USP28: variants seen among roughly 807,000 people sequenced by gnomAD.
USP28 encodes ubiquitin carboxyl-terminal hydrolase 28.
In USP28, 113 loss-of-function variants were observed where a neutral mutation model predicts 145.0. The observed-to-expected ratio is 0.78, with a 90% CI of 0.67 to 0.91. The LOEUF is 0.91. USP28 is among the 40% of genes least tolerant of loss of function. The probability of loss-of-function intolerance (pLI) is 0.00; values close to 1 mark genes in which losing one functional copy is unlikely to be tolerated. For synonymous variants in USP28, 447 were observed against 450.9 expected (o/e 0.99, Z 0.11); for missense variants, 1,201 against 1,289.6 (o/e 0.93, Z 1.05).
At chr11:113,839,953 T>C (rs1341939922) in intron 5 of USP28, among the ~76,000 whole-genome samples, 1 of 152,042 alleles carries the variant, frequency 6.6e-6, no homozygotes, top group African/African-American at 2.4e-5. Flanking sequence ...GAGGCGGAGG[T>C]TGCAGTGAGC....
chr11:113,804,559 A>G lies in USP28; in HGVS notation c.2658+114T>C, dbSNP rs1591478136. The G allele has an allele frequency of 3.5e-6, 3 of 865,780 alleles. No homozygotes were observed. In the Admixed American group the frequency reaches 8.0e-5, roughly 23 times the overall value. 53.6% of individuals were successfully genotyped at this position (865,780 alleles called of 1,614,324 possible). ...CATTCTTTACCAGGATTTTGAGGGG[A>G]AAGTGGAAGAACAAGTCAGTTTGTA... On this transcript the variant is annotated intron_variant, in intron 21 of 24. Coordinates refer to ENST00000003302, the Ensembl canonical transcript of USP28.
intron 1 of USP28, chr11:113,874,849 C>T (rs184852947): frequency 9.9e-7 from 1 of 1,011,670 alleles, no homozygotes; most frequent in Admixed American, 5.6e-5. Context: ...ACTTTCTATT[C>T]ATCACGCAGC....
At chr11:113,803,242 C>T in exon 23 of USP28, 1 of 1,614,030 alleles carries the variant, frequency 6.2e-7, no homozygotes, top group Non-Finnish European at 8.5e-7. Flanking sequence ...CAGCATTGCT[C>T]TGGTAGGCAT....
At chr11:113,855,247 A>G (rs559512429) in intron 1 of USP28, among the ~76,000 whole-genome samples, 1 of 152,176 alleles carries the variant, frequency 6.6e-6, no homozygotes, top group Admixed American at 6.5e-5. Context: ...GCTAACACAA[A>G]ATCAGTTTAC....
chr11:113,874,567 C>T (rs1949182147), intron 1 of USP28: 1 of 1,288,988 alleles, frequency 7.8e-7, no homozygotes, highest in South Asian at 1.2e-5. Flanking sequence ...TTTCTCATCT[C>T]CAAACTCGTA....
intron 12 of USP28, among the ~76,000 whole-genome samples, chr11:113,823,021 A>T (rs1226184315): frequency 6.6e-6 from 1 of 152,220 alleles, no homozygotes; most frequent in South Asian, 2.1e-4. Flanking sequence ...TTAAGCGCAA[A>T]ATCAACGGGA....
intron 1 of USP28, among the ~76,000 whole-genome samples, chr11:113,862,664 G>C (rs139565600): frequency 7.9e-5 from 12 of 152,182 alleles, no homozygotes; most frequent in East Asian, 1.9e-4. Flanking sequence ...ACATCTCAAA[G>C]AATGAAGAGA....
rs1263592218 is a variant in USP28 at position 113,846,887 on chromosome 11, C to T, written c.269-5119G>A. 2.0e-5 allele frequency among the ~76,000 whole-genome samples: 3 copies of T among 151,962 alleles called. No homozygotes were observed. In the South Asian group the frequency reaches 6.2e-4, roughly 32 times the overall value. ...GCGTGTGCCAGTAATCCCAGCTACT[C>T]GGGAGGCTGAGGCAGGAGAATAGCT... is the stretch of plus-strand genomic sequence containing the variant. On this transcript the variant is annotated intron_variant, in intron 3 of 24. Transcript: ENST00000003302.
intron 3 of USP28, among the ~76,000 whole-genome samples, chr11:113,851,746 T>C (rs944298496): frequency 4.6e-5 from 7 of 151,416 alleles, no homozygotes; most frequent in African/African-American, 1.7e-4. Flanking sequence ...GATCGCGCTA[T>C]TGCACTCTAG....
chr11:113,836,299 G>A (rs2513578), intron 5 of USP28, among the ~76,000 whole-genome samples: 11,369 of 151,984 alleles, frequency 0.075, 494 homozygotes, highest in Non-Finnish European at 0.09. Flanking sequence ...AAGTCCCTTG[G>A]CCTCTGACTC....
chr11:113,851,831 C>A (rs1946486880), intron 3 of USP28, among the ~76,000 whole-genome samples: 1 of 107,602 alleles, frequency 9.3e-6, no homozygotes, highest in South Asian at 3.7e-4. Context: ...CAGTCCCCAG[C>A]ACTCTTTTTT....
chr11:113,804,793 G>A (rs779735642), intron 20 of USP28, 42 bp from the exon 22 acceptor site: 4 of 1,611,688 alleles, frequency 2.5e-6, no homozygotes, highest in Admixed American at 1.7e-5. Context: ...AAGGCACAGG[G>A]CAAAACTTCC....
chr11:113,834,795 A>C (rs1168730702), intron 5 of USP28, among the ~76,000 whole-genome samples: 1 of 152,252 alleles, frequency 6.6e-6, no homozygotes, highest in African/African-American at 2.4e-5. Context: ...TATTGTAAAA[A>C]GTGTTTATAA....
intron 11 of USP28, 28 bp downstream of exon 11, chr11:113,827,205 G>GAAA: frequency 1.7e-6 from 2 of 1,186,434 alleles, no homozygotes; most frequent in Admixed American, 2.3e-5. Flanking sequence ...AATACCTCAG[G>GAAA]AAAAAAAAAA....
chr11:113,869,418 G>A (rs1035613627), intron 1 of USP28, among the ~76,000 whole-genome samples: 1 of 152,004 alleles, frequency 6.6e-6, no homozygotes, highest in South Asian at 2.1e-4. Flanking sequence ...AACAGACTGC[G>A]GTCCGTCTCA....
At chr11:113,870,991 T>A (rs1273567216) in intron 1 of USP28, among the ~76,000 whole-genome samples, 1 of 152,182 alleles carries the variant, frequency 6.6e-6, no homozygotes, top group African/African-American at 2.4e-5. Context: ...AAATGGAAAA[T>A]GCAAATTCAA....
chr11:113,821,357 C>A, intron 12 of USP28: 1 of 228,680 alleles, frequency 4.4e-6, no homozygotes. Context: ...TGTCCAGCAT[C>A]TCACAGCCAA....
intron 14 of USP28, among the ~76,000 whole-genome samples, chr11:113,814,520 A>ATGCTT: frequency 6.6e-6 from 1 of 152,340 alleles, no homozygotes; most frequent in East Asian, 1.9e-4. Context: ...TATAGAAAAG[A>ATGCTT]CTGAAGAGTA....
intron 1 of USP28, among the ~76,000 whole-genome samples, chr11:113,860,746 G>A (rs758832701): frequency 1.3e-5 from 2 of 151,414 alleles, no homozygotes. Flanking sequence ...TTGAACCTGG[G>A]AGGCGGAGCT....
Sources: allele counts gnomAD v4.1 joint callset (sites outside exome capture counted in the v4.1 genomes callset), GRCh38; gene constraint gnomAD v4.1.1; transcripts MANE v1.5; gene names NCBI Gene and HGNC (gene_info 2026-07-23, HGNC 2026-07-21).